Variants in CNTN4 observed in about 807,000 individuals in gnomAD.
CNTN4 encodes the protein contactin-4.
Under a neutral mutation model 122.5 loss-of-function variants are expected in CNTN4, and 77 were observed. The observed-to-expected ratio is 0.63, with a 90% CI of 0.52 to 0.76. The LOEUF (loss-of-function observed/expected upper bound fraction) is 0.76, where lower values mean the gene tolerates loss of function less well. Among genes scored for constraint, CNTN4 ranks in the 30% least tolerant of loss-of-function variants. The pLI is 0.00. For synonymous variants in CNTN4, 512 were observed against 447.0 expected, an observed-to-expected ratio of 1.15 and a Z score of -1.83; for missense variants, 1,256 against 1,259.1, an observed-to-expected ratio of 1.00 and a Z score of 0.04.
At chr3:2,395,036 C>T (rs1364447433) in intron 3 of CNTN4, among the ~76,000 whole-genome samples, 1 of 152,120 alleles carries the variant, frequency 6.6e-6, no homozygotes, top group African/African-American at 2.4e-5. Flanking sequence ...ATCTGCCTGC[C>T]TTGGCCTCCC....
chr3:2,362,065 G>C (rs534379838), intron 3 of CNTN4, among the ~76,000 whole-genome samples: 1 of 152,244 alleles, frequency 6.6e-6, no homozygotes, highest in South Asian at 2.1e-4. Context: ...CCAGGGAGTG[G>C]GACCAGCATA....
chr3:2,524,660 T>C (rs1252111909), intron 3 of CNTN4, among the ~76,000 whole-genome samples: 1 of 152,148 alleles, frequency 6.6e-6, no homozygotes, highest in Non-Finnish European at 1.5e-5. Flanking sequence ...TTTTAGTCTC[T>C]ATAAAGTAAA....
intron 2 of CNTN4, among the ~76,000 whole-genome samples, chr3:2,281,064 T>C (rs1223875484): frequency 6.6e-6 from 1 of 152,232 alleles, no homozygotes; most frequent in Non-Finnish European, 1.5e-5. Context: ...AAAAGTTGGC[T>C]GTGACCTAAC....
At chr3:2,634,880 T>A (rs1304866627) in intron 4 of CNTN4, among the ~76,000 whole-genome samples, 17 of 151,378 alleles carry the variant, frequency 1.1e-4, no homozygotes, top group Admixed American at 1.1e-3. Context: ...AAATAAAAAA[T>A]TCTATAAATG....
intron 2 of CNTN4, among the ~76,000 whole-genome samples, chr3:2,245,955 C>T (rs1559375629): frequency 6.6e-6 from 1 of 151,972 alleles, no homozygotes; most frequent in Non-Finnish European, 1.5e-5. Flanking sequence ...AACAGGCACA[C>T]AGAGAGATAC....
chr3:2,727,612 C>T (rs1467507092), intron 4 of CNTN4, among the ~76,000 whole-genome samples: 1 of 152,182 alleles, frequency 6.6e-6, no homozygotes. Flanking sequence ...CAATTTTTCC[C>T]CAAGGAGAGA....
chr3:2,932,824 A>G (rs887089488), intron 13 of CNTN4, among the ~76,000 whole-genome samples: 2 of 151,354 alleles, frequency 1.3e-5, no homozygotes, highest in African/African-American at 2.4e-5. Flanking sequence ...TTATTTATTT[A>G]TTTATTTATT....
intron 2 of CNTN4, among the ~76,000 whole-genome samples, chr3:2,327,153 T>TG (rs1559455687): frequency 5.3e-5 from 6 of 114,118 alleles, no homozygotes; most frequent in African/African-American, 1.2e-4. Context: ...GTGTGTGTGT[T>TG]TGTGTGTGTG....
At chr3:2,628,252 A>G (rs998959534) in intron 4 of CNTN4, among the ~76,000 whole-genome samples, 1 of 152,170 alleles carries the variant, frequency 6.6e-6, no homozygotes, top group African/African-American at 2.4e-5. Context: ...CCAAAGTAAC[A>G]GATGAGAGGG....
chr3:2,726,788 A>T (rs1278138284), intron 4 of CNTN4, among the ~76,000 whole-genome samples: 1 of 152,186 alleles, frequency 6.6e-6, no homozygotes, highest in Non-Finnish European at 1.5e-5. Context: ...GGACCACAGC[A>T]TGTGCAATAC....
Position 2,425,646 on chromosome 3 carries a change from A to G in CNTN4, c.-89+86413A>G, listed in dbSNP as rs572052030. Reference sequence around the variant, plus strand: ...GCTTGATGGGGATGGCATTGAATCTATAAATTACCTTGGGCAGTATGGCCA... The same window carrying G: ...GCTTGATGGGGATGGCATTGAATCTGTAAATTACCTTGGGCAGTATGGCCA... On this transcript the variant is annotated intron_variant, in intron 3 of 24. Coordinates refer to ENST00000418658, the MANE Select transcript of CNTN4 (RefSeq NM_175607.3). 3.8e-3 allele frequency among the ~76,000 whole-genome samples: 585 copies of G among 152,234 alleles called. 4 individuals carry two copies. The highest frequency in any genetic ancestry group is 0.013 in the African/African-American group (530 of 41,530).
intron 4 of CNTN4, among the ~76,000 whole-genome samples, chr3:2,661,680 C>T (rs1161784263): frequency 1.5e-4 from 22 of 151,618 alleles, no homozygotes; most frequent in South Asian, 2.1e-4. Context: ...GGCGTAGTGG[C>T]GGGTGCTTGT....
intron 2 of CNTN4, among the ~76,000 whole-genome samples, chr3:2,142,997 T>C (rs561430056): frequency 6.6e-6 from 1 of 152,322 alleles, no homozygotes; most frequent in African/African-American, 2.4e-5. Context: ...TCTATTTCTC[T>C]CTTAACTGGA....
chr3:2,262,735 G>C (rs1038805562), intron 2 of CNTN4, among the ~76,000 whole-genome samples: 1 of 151,178 alleles, frequency 6.6e-6, no homozygotes, highest in Non-Finnish European at 1.5e-5. Flanking sequence ...ACTATACTTA[G>C]TTAGGGTTAG....
chr3:2,382,979 GC>G (rs1336239573), intron 3 of CNTN4, among the ~76,000 whole-genome samples: 1 of 152,002 alleles, frequency 6.6e-6, no homozygotes, highest in Non-Finnish European at 1.5e-5. Flanking sequence ...GGAGGCTGAG[GC>G]AGGAGAATTG....
At position 2,388,720 on chromosome 3, in the gene CNTN4, C is replaced by G. The variant is rs565919148; in HGVS notation, c.-89+49487C>G. ...ATTAGCCTGGGATGGTGGCATGCATCTGCAATCCCAGCTACTTGGGAGGCT... is the reference window on the plus strand; with the variant it reads ...ATTAGCCTGGGATGGTGGCATGCATGTGCAATCCCAGCTACTTGGGAGGCT... On this transcript the variant is annotated intron_variant, in intron 3 of 24. Transcript: ENST00000418658. Among the ~76,000 whole-genome samples the G allele has an allele frequency of 1.8e-4, 27 of 152,282 alleles. No individual in the cohort carries two copies. In the East Asian group the frequency reaches 5.0e-3, roughly 28 times the overall value.
chr3:2,746,663 T>C (rs1183557818), intron 6 of CNTN4, among the ~76,000 whole-genome samples: 3 of 152,230 alleles, frequency 2.0e-5, no homozygotes, highest in Non-Finnish European at 4.4e-5. Flanking sequence ...AACAAAATCC[T>C]CTCCAGGAAC....
chr3:2,516,931 AAAAG>A (rs1019077226), intron 3 of CNTN4, among the ~76,000 whole-genome samples: 15 of 152,124 alleles, frequency 9.9e-5, no homozygotes, highest in African/African-American at 3.4e-4. Flanking sequence ...AAGCAATAAC[AAAAG>A]AAAGAAAGAA....
chr3:2,540,376 A>G (rs1161078456), intron 3 of CNTN4, among the ~76,000 whole-genome samples: 3 of 151,788 alleles, frequency 2.0e-5, no homozygotes, highest in Non-Finnish European at 2.9e-5. Flanking sequence ...TCTCGTGGGC[A>G]TGGAGTGTTA....
Sources: allele counts gnomAD v4.1 joint callset (sites outside exome capture counted in the v4.1 genomes callset), GRCh38; gene constraint gnomAD v4.1.1; transcripts MANE v1.5; gene names NCBI Gene and HGNC (gene_info 2026-07-23, HGNC 2026-07-21).